The following SCFD2 variants were observed in gnomAD, a reference collection of about 807,000 sequenced individuals.
The protein encoded by SCFD2 is sec1 family domain-containing protein 2.
Under a neutral mutation model 58.9 loss-of-function variants are expected in SCFD2, and 54 were observed. The observed-to-expected ratio is 0.92, with a 90% confidence interval of 0.74 to 1.15. The LOEUF is 1.15. Among genes scored for constraint, SCFD2 ranks in the 50% most tolerant of loss-of-function variants. The pLI, the probability that SCFD2 is intolerant of heterozygous loss-of-function variation, is 0.00. For synonymous variants in SCFD2, 321 were observed against 335.9 expected, an observed-to-expected ratio of 0.96 and a Z score of 0.49; for missense variants, 805 against 836.6, an observed-to-expected ratio of 0.96 and a Z score of 0.47.
chr4:53,299,886 C>G (rs149381933), intron 3 of SCFD2, among the ~76,000 whole-genome samples: 3 of 152,180 alleles, frequency 2.0e-5, no homozygotes, highest in Non-Finnish European at 4.4e-5. Context: ...CCTTTACACA[C>G]AAGCAAATGC....
intron 2 of SCFD2, among the ~76,000 whole-genome samples, chr4:53,349,342 T>C (rs753902604): frequency 7.2e-5 from 11 of 152,342 alleles, no homozygotes; most frequent in Non-Finnish European, 1.0e-4. Flanking sequence ...TATTCTCCCA[T>C]ACAACATGAC....
In SCFD2 at chr4:53,365,287, G is replaced by C. The variant is rs1346319828; in HGVS notation, c.655C>G (p.Leu219Val). The change falls in exon 1 of 9, where the codon CTA (leucine) becomes GTA (valine). Residue 219 changes from leucine (L) to valine (V), a missense_variant. Around this residue, in one of 3 missense-constraint regions of SCFD2, gnomAD observed 633 missense variants for 646.8 expected, o/e 0.98. Transcript: ENST00000401642. The surrounding 1 kb of genome is among the most constrained non-coding windows in gnomAD (Gnocchi z 4.3). ...TPELLLQIRCLVSGLSSLCEH... is the reference protein window; with the variant it reads ...TPELLLQIRCVVSGLSSLCEH... ...CACAGAGAACTGAGGCCTGACACTA[G>C]GCATCTGATCTGCAGCAGCAGCTCT... 5 of 1,614,194 alleles carry C rather than the reference G, an allele frequency of 3.1e-6. No homozygotes were observed. The highest frequency in any genetic ancestry group is 4.2e-6 in the Non-Finnish European group (5 of 1,180,026).
chr4:53,294,914 G>A (rs1244811333), intron 3 of SCFD2, among the ~76,000 whole-genome samples: 1 of 152,150 alleles, frequency 6.6e-6, no homozygotes, highest in East Asian at 1.9e-4. Flanking sequence ...CCCATTGCTT[G>A]TTTTTGTCAG....
chr4:53,128,891 T>C (rs560730360), intron 5 of SCFD2, among the ~76,000 whole-genome samples: 77 of 152,312 alleles, frequency 5.1e-4, no homozygotes, highest in Middle Eastern at 3.4e-3. Flanking sequence ...GAAAACTTTC[T>C]TGGCCAAAGA....
chr4:53,041,081 A>G (rs1422496795), intron 5 of SCFD2, among the ~76,000 whole-genome samples: 2 of 152,324 alleles, frequency 1.3e-5, no homozygotes, highest in Non-Finnish European at 1.5e-5. Flanking sequence ...GTGATCCTTA[A>G]GCAGCATATC....
intron 5 of SCFD2, among the ~76,000 whole-genome samples, chr4:52,960,418 G>C (rs1213103168): frequency 1.3e-5 from 2 of 150,870 alleles, no homozygotes; most frequent in African/African-American, 4.9e-5. Flanking sequence ...GCCCAGGCTG[G>C]AGTGCAATGG....
chr4:52,933,758 C>T (rs301115), intron 5 of SCFD2, among the ~76,000 whole-genome samples: 13,043 of 152,120 alleles, frequency 0.086, 1,820 homozygotes, highest in African/African-American at 0.29. Context: ...TCTTTTGGGC[C>T]CTGCTTTGAC....
chr4:53,328,929 T>C (rs1470890189), intron 2 of SCFD2, among the ~76,000 whole-genome samples: 1 of 152,208 alleles, frequency 6.6e-6, no homozygotes, highest in Non-Finnish European at 1.5e-5. Flanking sequence ...ATTGCCTCAC[T>C]TGGGAAGCGC....
chr4:53,315,403 G>C (rs183826566), intron 2 of SCFD2, among the ~76,000 whole-genome samples: 34 of 152,268 alleles, frequency 2.2e-4, no homozygotes, highest in African/African-American at 7.7e-4. Flanking sequence ...GCAGTGGAAG[G>C]AGAGCATAAA....
At chr4:52,964,603 T>G (rs182781374) in intron 5 of SCFD2, among the ~76,000 whole-genome samples, 3 of 152,124 alleles carry the variant, frequency 2.0e-5, no homozygotes, top group Admixed American at 2.0e-4. Context: ...GTAAACAAAG[T>G]GGGTTTGCAA....
chr4:52,966,090 C>A (rs1288924363), intron 5 of SCFD2, among the ~76,000 whole-genome samples: 2 of 152,216 alleles, frequency 1.3e-5, no homozygotes, highest in African/African-American at 4.8e-5. Context: ...ACAGCCCAGT[C>A]TTGACATGTT....
At chr4:52,892,452 T>A (rs1718900226) in intron 7 of SCFD2, among the ~76,000 whole-genome samples, 1 of 152,216 alleles carries the variant, frequency 6.6e-6, no homozygotes, top group African/African-American at 2.4e-5. Context: ...TCTGGTCAAA[T>A]GTCAAAACTC....
rs1164116537 is a variant in SCFD2 at position 53,333,194 on chromosome 4, A to G, written c.1007+19404T>C. Among the ~76,000 whole-genome samples the G allele has an allele frequency of 8.5e-5, 12 of 141,514 alleles. No individual in the cohort carries two copies. In the East Asian group the frequency reaches 2.1e-3, roughly 24 times the overall value. The allele number at this position is 141,514 out of a possible 152,430, so 92.8% of individuals were successfully genotyped here. ...CTGCCCAAGGTAATTTACAGATTCA[A>G]TGCCATCCCCATCAAGCTACCAATG... On this transcript the variant is annotated intron_variant, in intron 2 of 8. Transcript: ENST00000401642.
rs1718405879 is a variant in SCFD2, at chr4:52,873,830, A to C, written c.*139T>G. The stretch of plus-strand genomic sequence containing the variant: ...AAGCAAAGTACCTCACTGAGTAGGT[A>C]TCAAGACCCTTCAGGCAGAATTCCA... On this transcript the variant is annotated 3_prime_UTR_variant, in exon 9 of 9. Transcript: ENST00000401642. 1 of 632,914 alleles carries C rather than the reference A, an allele frequency of 1.6e-6. No individual in the cohort carries two copies. The highest frequency in any genetic ancestry group is 1.8e-5 in the African/African-American group (1 of 55,662). The allele number at this position is 632,914 out of a possible 1,614,324, so 39.2% of individuals were successfully genotyped here.
chr4:52,874,247 G>A (rs983035619), intron 8 of SCFD2, among the ~76,000 whole-genome samples, 186 bp from the exon 9 acceptor site: 1 of 152,196 alleles, frequency 6.6e-6, no homozygotes, highest in Non-Finnish European at 1.5e-5. Flanking sequence ...TGGAAGGAGG[G>A]GGGCACAGTC....
At chr4:52,956,076 G>T in intron 5 of SCFD2, 1 of 456,642 alleles carries the variant, frequency 2.2e-6, no homozygotes, top group Non-Finnish European at 4.4e-6. Context: ...CTCCCTCCCA[G>T]CTTGAGGTCT....
intron 4 of SCFD2, among the ~76,000 whole-genome samples, chr4:53,253,282 C>T (rs1317409915): frequency 3.3e-5 from 5 of 152,196 alleles, no homozygotes; most frequent in Non-Finnish European, 5.9e-5. Context: ...CACTTTTACA[C>T]TGTTGGTGGG....
chr4:53,301,901 A>T (rs1216126329), intron 3 of SCFD2, among the ~76,000 whole-genome samples: 1 of 151,920 alleles, frequency 6.6e-6, no homozygotes, highest in African/African-American at 2.4e-5. Context: ...AAATTCAACA[A>T]CCCTCCATGC....
rs377374428 is a variant in SCFD2 at position 53,182,282 on chromosome 4, G to A, written c.1312-36700C>T. 9.7e-3 allele frequency among the ~76,000 whole-genome samples: 1,478 copies of A among 152,086 alleles called. 22 individuals carry two copies. Among genetic ancestry groups the A allele is most frequent in the African/African-American group, 0.032 (1,348 of 41,500 alleles). Reference sequence around the variant, plus strand: ...ACAAGGCTACAGTAACCAAAACAGCGTGGTACTGGTACCAAAACAGAGATA... The same window carrying A: ...ACAAGGCTACAGTAACCAAAACAGCATGGTACTGGTACCAAAACAGAGATA... On this transcript the variant is annotated intron_variant, in intron 4 of 8. Coordinates refer to ENST00000401642, the MANE Select transcript of SCFD2 (RefSeq NM_152540.4).
Sources: gnomAD v4.1 joint callset for allele counts (sites outside exome capture counted in the v4.1 genomes callset) on GRCh38, gnomAD v4.1.1 for gene constraint, gnomAD v4.1.1 regional missense constraint, Gnocchi (gnomAD v3.1) non-coding constraint, MANE v1.5 for transcripts, NCBI Gene and HGNC (gene_info 2026-07-23, HGNC 2026-07-21) for gene names.